LRMDA: variants seen among roughly 807,000 people sequenced by gnomAD.
LRMDA encodes the protein leucine rich melanocyte differentiation associated.
Under a neutral mutation model 29.8 loss-of-function variants are expected in LRMDA, and 18 were observed. The observed-to-expected ratio is 0.60, with a 90% confidence interval of 0.42 to 0.90. The LOEUF (loss-of-function observed/expected upper bound fraction) is 0.90, where lower values mean the gene tolerates loss of function less well. LRMDA is among the 40% of genes least tolerant of loss of function. The pLI, the probability that LRMDA is intolerant of heterozygous loss-of-function variation, is 0.00. For missense variants in LRMDA, 273 were observed against 273.9 expected (o/e 1.00, Z 0.02); for synonymous variants, 125 against 109.4 (o/e 1.14, Z -0.89).
At chr10:75,672,752 A>G (rs1375226115) in intron 2 of LRMDA, among the ~76,000 whole-genome samples, 2 of 150,362 alleles carry the variant, frequency 1.3e-5, no homozygotes, top group African/African-American at 4.9e-5. Context: ...TTACGTTTTC[A>G]GTAGAGACGG....
chr10:75,676,237 T>C (rs1841958675), intron 2 of LRMDA, among the ~76,000 whole-genome samples: 1 of 152,242 alleles, frequency 6.6e-6, no homozygotes, highest in African/African-American at 2.4e-5. Flanking sequence ...TTTTCTTCTC[T>C]GATTCCAGAA....
chr10:75,554,487 C>A (rs1162784214), intron 2 of LRMDA, among the ~76,000 whole-genome samples: 1 of 152,168 alleles, frequency 6.6e-6, no homozygotes. Context: ...ATTAACCGAT[C>A]AGTTATTTAG....
At chr10:76,126,557 C>G (rs1348260872) in intron 5 of LRMDA, among the ~76,000 whole-genome samples, 2 of 152,102 alleles carry the variant, frequency 1.3e-5, no homozygotes, top group Non-Finnish European at 2.9e-5. Context: ...AATTGTTTCC[C>G]CTCTCTCCAC....
chr10:75,431,788 C>A, intron 1 of LRMDA, 34 bp downstream of exon 1: 3 of 1,339,856 alleles, frequency 2.2e-6, no homozygotes, highest in South Asian at 2.0e-5. Flanking sequence ...CCGCCCGGGG[C>A]GCAGTCCGCG....
At chr10:76,263,591 G>A (rs1415762062) in intron 5 of LRMDA, among the ~76,000 whole-genome samples, 2 of 152,178 alleles carry the variant, frequency 1.3e-5, no homozygotes, top group Admixed American at 6.5e-5. Context: ...CCCTTGGACT[G>A]TAAGCCCAGG....
intron 2 of LRMDA, among the ~76,000 whole-genome samples, chr10:75,623,594 T>C (rs1841214497): frequency 6.6e-6 from 1 of 152,220 alleles, no homozygotes; most frequent in South Asian, 2.1e-4. Flanking sequence ...TGAGAGTTGC[T>C]AGTGTTTATT....
At chr10:75,456,142 G>A (rs1031077494) in intron 2 of LRMDA, among the ~76,000 whole-genome samples, 2 of 152,234 alleles carry the variant, frequency 1.3e-5, no homozygotes, top group African/African-American at 4.8e-5. Context: ...ACCCTGGAGT[G>A]ACAGGAGTTG....
intron 6 of LRMDA, chr10:76,470,477 C>T (rs1481728895): frequency 6.6e-6 from 1 of 151,810 alleles, no homozygotes; most frequent in Non-Finnish European, 1.5e-5. Flanking sequence ...TTCACATGGA[C>T]AAAAGGTAGA....
chr10:76,423,717 T>C (rs1237799792), intron 6 of LRMDA, among the ~76,000 whole-genome samples: 1 of 152,246 alleles, frequency 6.6e-6, no homozygotes, highest in Non-Finnish European at 1.5e-5. Context: ...CCTTTTGACT[T>C]CGATCAAAAT....
At chr10:75,455,058 A>G (rs1844499937) in intron 2 of LRMDA, among the ~76,000 whole-genome samples, 1 of 152,202 alleles carries the variant, frequency 6.6e-6, no homozygotes, top group African/African-American at 2.4e-5. Context: ...CAGTAGGGTT[A>G]CAGTGGTCTT....
chr10:75,652,659 G>C (rs756279339), intron 2 of LRMDA, among the ~76,000 whole-genome samples: 1 of 152,108 alleles, frequency 6.6e-6, no homozygotes, highest in Non-Finnish European at 1.5e-5. Context: ...GTGTCTTCCG[G>C]TGAGTTCCTT....
chr10:76,459,162 C>A (rs1282875285), intron 6 of LRMDA, among the ~76,000 whole-genome samples: 1 of 152,120 alleles, frequency 6.6e-6, no homozygotes, highest in Non-Finnish European at 1.5e-5. Context: ...CACACGGCAC[C>A]AAATAAGGGC....
intron 3 of LRMDA, among the ~76,000 whole-genome samples, chr10:76,036,768 T>TA (rs1289547472): frequency 6.6e-6 from 1 of 152,146 alleles, no homozygotes; most frequent in African/African-American, 2.4e-5. Flanking sequence ...GGGTGAGACT[T>TA]ACGGGCACTA....
intron 3 of LRMDA, among the ~76,000 whole-genome samples, chr10:76,045,322 AGTTTCCCCCTCTT>A (rs1426313147): frequency 8.5e-6 from 1 of 118,258 alleles, no homozygotes; most frequent in Admixed American, 1.2e-4. Context: ...CTCTCTTGCT[AGTTTCCCCCTCTT>A]GTTAGTTTCC....
chr10:76,429,174 A>AG (rs1842163857), intron 6 of LRMDA, among the ~76,000 whole-genome samples: 7 of 152,260 alleles, frequency 4.6e-5, no homozygotes, highest in Admixed American at 4.6e-4. Flanking sequence ...ACAAAAAAAA[A>AG]AAAGTTACAG....
At chr10:75,761,803 T>G (rs1304123707) in intron 2 of LRMDA, among the ~76,000 whole-genome samples, 2 of 139,712 alleles carry the variant, frequency 1.4e-5, no homozygotes, top group Non-Finnish European at 3.0e-5. Flanking sequence ...TGTTTTTTTT[T>G]TTTTGTTTTT....
At chr10:76,093,233 T>C (rs186699155) in intron 5 of LRMDA, among the ~76,000 whole-genome samples, 258 of 152,116 alleles carry the variant, frequency 1.7e-3, no homozygotes, top group African/African-American at 6.1e-3. Context: ...AGACGGGGTT[T>C]CACCATGTTG....
At chr10:76,362,621 G>T (rs1411178201) in intron 6 of LRMDA, among the ~76,000 whole-genome samples, 1 of 152,122 alleles carries the variant, frequency 6.6e-6, no homozygotes, top group Admixed American at 6.6e-5. Context: ...CCCTGGTGGG[G>T]TTGGGCTTCA....
chr10:76,078,412 A>T (rs1467231747), intron 5 of LRMDA, among the ~76,000 whole-genome samples: 1 of 152,152 alleles, frequency 6.6e-6, no homozygotes, highest in Non-Finnish European at 1.5e-5. Flanking sequence ...GCTTTTGAGA[A>T]AATTATTGGA....
Sources: allele counts gnomAD v4.1 joint callset (sites outside exome capture counted in the v4.1 genomes callset), GRCh38; gene constraint gnomAD v4.1.1; transcripts MANE v1.5; gene names NCBI Gene and HGNC (gene_info 2026-07-23, HGNC 2026-07-21).